Variants in DNAJC3 observed in about 807,000 individuals in gnomAD.
DNAJC3 encodes dnaJ homolog subfamily C member 3.
In DNAJC3, 38 loss-of-function variants were observed where a neutral mutation model predicts 68.6. The observed-to-expected ratio is 0.55, with a 90% CI of 0.43 to 0.73. The LOEUF is 0.73. Ranked by LOEUF, DNAJC3 falls within the 30% of genes least tolerant of loss-of-function variation. The probability of loss-of-function intolerance (pLI) is 0.00; values close to 1 mark genes in which losing one functional copy is unlikely to be tolerated. For missense variants in DNAJC3, 526 were observed against 591.9 expected (o/e 0.89, Z 1.16); for synonymous variants, 203 against 204.0 (o/e 1.00, Z 0.04).
At chr13:95,785,406 A>G (rs1883568623) in intron 9 of DNAJC3, among the ~76,000 whole-genome samples, 1 of 151,752 alleles carries the variant, frequency 6.6e-6, no homozygotes, top group African/African-American at 2.4e-5. Context: ...TTGAATGAGA[A>G]TAATAAACTA....
chr13:95,726,063 C>T (rs1465580071), intron 4 of DNAJC3, among the ~76,000 whole-genome samples: 3 of 151,852 alleles, frequency 2.0e-5, no homozygotes, highest in Non-Finnish European at 4.4e-5. Flanking sequence ...TTTTCTTAAT[C>T]CAGTCTATCG....
Position 95,791,192 on chromosome 13 carries a change from T to A in DNAJC3, c.*162T>A, listed in dbSNP as rs1447840822. 3.7e-6 allele frequency: 3 copies of A among 818,180 alleles called. No homozygotes were observed. In the East Asian group the frequency reaches 8.1e-5, roughly 22 times the overall value. 50.7% of individuals were successfully genotyped at this position (818,180 alleles called of 1,614,324 possible). A position where few individuals can be genotyped will look rare whatever the true frequency, so the allele number is the denominator to read the frequency against. ...TCTGTTCTTATCCCTGTCAGATTTATGGTTAATGGGTTTGCAACGGCAAGG... is the reference window on the plus strand; with the variant it reads ...TCTGTTCTTATCCCTGTCAGATTTAAGGTTAATGGGTTTGCAACGGCAAGG... On this transcript the variant is annotated 3_prime_UTR_variant, in exon 12 of 12. Transcript: ENST00000602402.
intron 2 of DNAJC3, among the ~76,000 whole-genome samples, chr13:95,715,584 C>G (rs145144570): frequency 2.7e-5 from 4 of 150,810 alleles, no homozygotes; most frequent in African/African-American, 9.7e-5. Flanking sequence ...TGGGTTCAAG[C>G]GATTCTGCCT....
chr13:95,709,628 C>CTTTTTTTTTTTTTT (rs955053415), intron 2 of DNAJC3, among the ~76,000 whole-genome samples: 1 of 112,180 alleles, frequency 8.9e-6, no homozygotes, highest in Non-Finnish European at 1.8e-5. Context: ...TGGCTTCTGA[C>CTTTTTTTTTTTTTT]TTTTTTTTTT....
intron 2 of DNAJC3, among the ~76,000 whole-genome samples, chr13:95,709,829 CG>C (rs1325985793): frequency 6.6e-6 from 1 of 151,972 alleles, no homozygotes; most frequent in African/African-American, 2.4e-5. Context: ...TTAGTAGAGA[CG>C]GGGTTTCACC....
At chr13:95,774,005 G>C (rs914054592) in intron 9 of DNAJC3, among the ~76,000 whole-genome samples, 1 of 152,184 alleles carries the variant, frequency 6.6e-6, no homozygotes, top group African/African-American at 2.4e-5. Context: ...AAAGTGCTGG[G>C]ATTACAGGCG....
chr13:95,677,498 G>A (rs961836417), intron 1 of DNAJC3, among the ~76,000 whole-genome samples, 161 bp downstream of exon 1: 1 of 152,218 alleles, frequency 6.6e-6, no homozygotes, highest in Non-Finnish European at 1.5e-5. Flanking sequence ...GCCCGGTTCC[G>A]GGTTTGTCTG....
intron 9 of DNAJC3, among the ~76,000 whole-genome samples, chr13:95,773,731 C>CTTTTTTTTTTTT (rs143145399): frequency 5.6e-5 from 4 of 71,336 alleles, no homozygotes; most frequent in Non-Finnish European, 7.5e-5. Context: ...TTTTGTTGGT[C>CTTTTTTTTTTTT]TTTTTTTTTT....
intron 4 of DNAJC3, among the ~76,000 whole-genome samples, chr13:95,750,137 G>A (rs1882427906): frequency 6.6e-6 from 1 of 151,954 alleles, no homozygotes; most frequent in African/African-American, 2.4e-5. Context: ...CGCCTAAATG[G>A]CATCTCAGTA....
chr13:95,714,551 G>A (rs575030928), intron 2 of DNAJC3, among the ~76,000 whole-genome samples: 12 of 152,226 alleles, frequency 7.9e-5, no homozygotes, highest in African/African-American at 2.9e-4. Flanking sequence ...CATTTCTGTT[G>A]GGAAGTTTGC....
chr13:95,717,440 AT>A (rs1376850438), intron 2 of DNAJC3, among the ~76,000 whole-genome samples: 1 of 152,228 alleles, frequency 6.6e-6, no homozygotes, highest in Non-Finnish European at 1.5e-5. Context: ...AGTTCAAAAG[AT>A]TCTGAGCTAT....
At chr13:95,764,673 TATATATATATACAC>T (rs1304188572) in intron 9 of DNAJC3, among the ~76,000 whole-genome samples, 2 of 122,798 alleles carry the variant, frequency 1.6e-5, no homozygotes, top group African/African-American at 3.5e-5. Flanking sequence ...TATATATATA[TATATATATATACAC>T]ACACACACAT....
At chr13:95,745,035 C>T (rs1882260067) in intron 4 of DNAJC3, 2 of 152,088 alleles carry the variant, frequency 1.3e-5, no homozygotes, top group African/African-American at 4.8e-5. Flanking sequence ...ACATTTTGCC[C>T]AGAGACACTT....
intron 1 of DNAJC3, chr13:95,693,247 C>T (rs1880329992): frequency 6.6e-6 from 1 of 152,186 alleles, no homozygotes; most frequent in Non-Finnish European, 1.5e-5. Flanking sequence ...CTTCTTCCTC[C>T]CTTATTATTG....
At chr13:95,730,834 T>A (rs1436798079) in intron 4 of DNAJC3, among the ~76,000 whole-genome samples, 1 of 152,226 alleles carries the variant, frequency 6.6e-6, no homozygotes, top group Non-Finnish European at 1.5e-5. Flanking sequence ...TTTTTTCTAT[T>A]TCTGTGAAAA....
At chr13:95,762,807 C>A (rs1488725924) in intron 7 of DNAJC3, among the ~76,000 whole-genome samples, 2 of 152,156 alleles carry the variant, frequency 1.3e-5, no homozygotes, top group East Asian at 3.9e-4. Flanking sequence ...TGTGATGTTC[C>A]CCTCCCTGTG....
chr13:95,742,583 C>T (rs576445916), intron 4 of DNAJC3: 5 of 470,394 alleles, frequency 1.1e-5, no homozygotes, highest in African/African-American at 2.0e-5. Flanking sequence ...TCTTTGGGCT[C>T]TTATCCCAGC....
Position 95,753,472 on chromosome 13 carries a change from A to G in DNAJC3, c.394-4172A>G, listed in dbSNP as rs376766089. Among the ~76,000 whole-genome samples the G allele has an allele frequency of 1.8e-4, 27 of 152,290 alleles. No individual in the cohort carries two copies. In the East Asian group the frequency reaches 3.3e-3, roughly 18 times the overall value. Reference sequence around the variant, plus strand: ...TACCTCAAGTGTTACATATTTTTCTATGTTATCAAATAATATCAAATGAAA... The same window carrying G: ...TACCTCAAGTGTTACATATTTTTCTGTGTTATCAAATAATATCAAATGAAA... On this transcript the variant is annotated intron_variant, in intron 4 of 11. Coordinates refer to ENST00000602402, the MANE Select transcript of DNAJC3 (RefSeq NM_006260.5).
Position 95,677,285 on chromosome 13 carries a change from G to T in DNAJC3, c.30G>T (p.Arg10=). The change falls in exon 1 of 12, where the codon CGG becomes CGT. Residue 10 remains arginine, a synonymous_variant. Transcript: ENST00000602402. MVAPGSVTS[R]LGSVFPFLLV... is the part of the protein sequence containing the mutation. ...TGGCCCCCGGCTCCGTGACCAGCCG[G>T]CTGGGCTCGGTATTCCCCTTCCTGC... The T allele has an allele frequency of 6.2e-7, 1 of 1,601,616 alleles. No individual in the cohort carries two copies. Among genetic ancestry groups the T allele is most frequent in the Non-Finnish European group, 8.5e-7 (1 of 1,175,266 alleles).
Sources: allele counts gnomAD v4.1 joint callset (sites outside exome capture counted in the v4.1 genomes callset), GRCh38; gene constraint gnomAD v4.1.1; transcripts MANE v1.5; gene names NCBI Gene and HGNC (gene_info 2026-07-23, HGNC 2026-07-21).